The following IFT27 variants were observed in gnomAD, a reference collection of about 807,000 sequenced individuals.
IFT27 encodes intraflagellar transport protein 27 homolog.
In IFT27, 19 loss-of-function variants were observed where a neutral mutation model predicts 23.9. That is an observed-to-expected ratio of 0.79 (90% confidence interval 0.55 to 1.16). IFT27 has a LOEUF of 1.16. IFT27 is among the 50% of genes most tolerant of loss of function. The pLI, the probability that IFT27 is intolerant of heterozygous loss-of-function variation, is 0.00. For synonymous variants in IFT27, 91 were observed against 89.1 expected, an observed-to-expected ratio of 1.02 and a Z score of -0.12; for missense variants, 206 against 228.7, an observed-to-expected ratio of 0.90 and a Z score of 0.64.
In IFT27 at chr22:36,775,817, G is replaced by A; in HGVS notation, c.-110C>T. ...GGCCTGGGACGGGAAGGTGGGGAGGGGAGGGCTGATCTCAAGGGTCAGTGG... is the reference window on the plus strand; with the variant it reads ...GGCCTGGGACGGGAAGGTGGGGAGGAGAGGGCTGATCTCAAGGGTCAGTGG... On this transcript the variant is annotated 5_prime_UTR_variant, in exon 1 of 7. Coordinates refer to ENST00000433985, the MANE Select transcript of IFT27 (RefSeq NM_001177701.3). The A allele has an allele frequency of 2.7e-6, 3 of 1,108,290 alleles. No individual in the cohort carries two copies. Among genetic ancestry groups the A allele is most frequent in the Non-Finnish European group, 4.1e-6 (3 of 726,394 alleles). 68.7% of individuals were successfully genotyped at this position (1,108,290 alleles called of 1,614,324 possible).
At chr22:36,773,275 T>C (rs1938427614) in intron 1 of IFT27, among the ~76,000 whole-genome samples, 1 of 151,764 alleles carries the variant, frequency 6.6e-6, no homozygotes, top group East Asian at 1.9e-4. Flanking sequence ...AGGGAATCAT[T>C]TAAACCCAGG....
At chr22:36,772,650 CA>C (rs1165739032) in intron 1 of IFT27, 1 of 985,332 alleles carries the variant, frequency 1.0e-6, no homozygotes, top group African/African-American at 1.7e-5. Flanking sequence ...TCCTTGAGTG[CA>C]ACTGACTCAT....
At chr22:36,767,263 G>A (rs778942445) in intron 3 of IFT27, 43 bp downstream of exon 3, 1 of 1,547,264 alleles carries the variant, frequency 6.5e-7, no homozygotes. Context: ...CCTGGGCCCA[G>A]CTGGGGGAGC....
At chr22:36,763,393 G>C (rs909166846) in intron 5 of IFT27, 1 of 255,448 alleles carries the variant, frequency 3.9e-6, no homozygotes, top group Admixed American at 5.0e-5. Context: ...CTAAGGACTC[G>C]GCTCGGAGTC....
Position 36,758,572 on chromosome 22 carries a change from G to A in IFT27, c.463-163C>T. On this transcript the variant is annotated intron_variant, in intron 6 of 6. Transcript: ENST00000433985. ...TCATGGATGCCAGTTTTACAAGAAG[G>A]AAACTCAGATGGAGTCAGGTAACTC... is the stretch of plus-strand genomic sequence containing the variant. 5 of 617,350 alleles carry A rather than the reference G, an allele frequency of 8.1e-6. No individual in the cohort carries two copies. In the South Asian group the frequency reaches 9.6e-5, roughly 12 times the overall value. 38.2% of individuals were successfully genotyped at this position (617,350 alleles called of 1,614,324 possible).
At chr22:36,758,833 C>T in intron 6 of IFT27, 1 of 173,128 alleles carries the variant, frequency 5.8e-6, no homozygotes, top group Non-Finnish European at 1.2e-5. Flanking sequence ...GGGGCACCCT[C>T]TTCCTAGGCT....
At chr22:36,763,347 C>T in intron 5 of IFT27, 1 of 280,974 alleles carries the variant, frequency 3.6e-6, no homozygotes. Context: ...ATTCTGAGCA[C>T]ACGGAGCAAA....
intron 3 of IFT27, chr22:36,766,573 A>C (rs571009531): frequency 2.9e-5 from 8 of 274,696 alleles, no homozygotes; most frequent in Non-Finnish European, 5.0e-5. Flanking sequence ...AACCAAATTG[A>C]TTTTCAAATC....
intron 1 of IFT27, 105 bp downstream of exon 1, chr22:36,775,569 A>C: frequency 8.2e-7 from 1 of 1,225,424 alleles, no homozygotes; most frequent in Non-Finnish European, 1.2e-6. Context: ...TTTGGGAGAG[A>C]GAAAGGAAAA....
At chr22:36,768,083 C>A in intron 1 of IFT27, 2 of 667,398 alleles carry the variant, frequency 3.0e-6, no homozygotes, top group Non-Finnish European at 5.7e-6. Flanking sequence ...CACGGCTAAG[C>A]CTTTTATCCA....
intron 1 of IFT27, among the ~76,000 whole-genome samples, chr22:36,769,447 C>T (rs1471057910): frequency 1.3e-5 from 2 of 152,148 alleles, no homozygotes; most frequent in Admixed American, 1.3e-4. Context: ...CTCCGCCTCC[C>T]GGGTTCAAGT....
chr22:36,759,382 G>T (rs1938017858), intron 6 of IFT27: 1 of 152,172 alleles, frequency 6.6e-6, no homozygotes, highest in East Asian at 1.9e-4. Context: ...GACTAAAGGA[G>T]CCCAAAAGAA....
At chr22:36,768,079 T>A in intron 1 of IFT27, 1 of 669,700 alleles carries the variant, frequency 1.5e-6, no homozygotes, top group Non-Finnish European at 2.8e-6. Context: ...TCTGCACGGC[T>A]AAGCCTTTTA....
At chr22:36,770,517 C>T (rs537978040) in intron 1 of IFT27, among the ~76,000 whole-genome samples, 5 of 152,304 alleles carry the variant, frequency 3.3e-5, no homozygotes, top group African/African-American at 1.2e-4. Context: ...AACCCGTGTG[C>T]GTTGCCACTA....
chr22:36,775,505 T>C (rs1938480647), intron 1 of IFT27, among the ~76,000 whole-genome samples, 169 bp downstream of exon 1: 1 of 152,142 alleles, frequency 6.6e-6, no homozygotes, highest in Non-Finnish European at 1.5e-5. Flanking sequence ...CCCTGGAAGA[T>C]CATTCTTCCA....
chr22:36,768,928 C>T (rs1161320808), intron 1 of IFT27, among the ~76,000 whole-genome samples: 1 of 152,242 alleles, frequency 6.6e-6, no homozygotes, highest in Non-Finnish European at 1.5e-5. Context: ...ACTCACATCA[C>T]TTGGTACCAT....
Position 36,763,967 on chromosome 22 carries a change from T to G in IFT27, c.304A>C (p.Lys102Gln). The G allele has an allele frequency of 2.5e-6, 4 of 1,614,170 alleles. No homozygotes were observed. The highest frequency in any genetic ancestry group is 2.5e-6 in the Non-Finnish European group (3 of 1,179,968). Residue 102 changes from lysine to glutamine, a missense_variant, in exon 5 of 7, where the codon AAG becomes CAG. Physicochemically the swap from Lys to Gln is moderately conservative, Grantham distance 53. Transcript: ENST00000433985. ...TNEESFNNCS[K>Q]WLEKARSQAP... ...TGTGACCGAGCCTTCTCCAGCCACT[T>G]GCTGCAGTTGTTGAAGGATTCTTCA... is the stretch of plus-strand genomic sequence containing the variant.
chr22:36,775,590 T>G, intron 1 of IFT27, 84 bp downstream of exon 1: 1 of 1,450,950 alleles, frequency 6.9e-7, no homozygotes, highest in Non-Finnish European at 9.7e-7. Flanking sequence ...GGTAGGCAAT[T>G]TAGGTGAACA....
At chr22:36,768,969 G>A (rs1340746137) in intron 1 of IFT27, among the ~76,000 whole-genome samples, 2 of 152,090 alleles carry the variant, frequency 1.3e-5, no homozygotes, top group Non-Finnish European at 2.9e-5. Flanking sequence ...TTTTACAGTC[G>A]GCTTCAACAC....
Sources: allele counts gnomAD v4.1 joint callset (sites outside exome capture counted in the v4.1 genomes callset), GRCh38; gene constraint gnomAD v4.1.1; transcripts MANE v1.5; gene names NCBI Gene and HGNC (gene_info 2026-07-23, HGNC 2026-07-21).